ERBB4: variants seen among roughly 807,000 people sequenced by gnomAD.
ERBB4 encodes the protein receptor tyrosine-protein kinase erbB-4.
Under a neutral mutation model 158.0 loss-of-function variants are expected in ERBB4, and 42 were observed. The observed-to-expected ratio is 0.27, with a 90% confidence interval of 0.21 to 0.34. ERBB4 has a LOEUF of 0.34. ERBB4 is among the 10% of genes least tolerant of loss of function. ERBB4 has a pLI of 1.00. For missense variants in ERBB4, 1,333 were observed against 1,624.1 expected (o/e 0.82, Z 3.08); for synonymous variants, 583 against 558.7 (o/e 1.04, Z -0.61).
rs376596544 is a variant in ERBB4 at position 212,240,223 on chromosome 2, T to C, written c.83-115320A>G. ...TATCCCAAAATATGGTACCTTGGCT[T>C]TTTAGAAAACCGCAGAAGCAAAAAC... On this transcript the variant is annotated intron_variant, in intron 1 of 27. Transcript: ENST00000342788. 5.9e-5 allele frequency among the ~76,000 whole-genome samples: 9 copies of C among 152,270 alleles called. No homozygotes were observed. The East Asian group carries it at 1.4e-3, about 23-fold the overall frequency.
intron 1 of ERBB4, among the ~76,000 whole-genome samples, chr2:212,535,987 C>T (rs1693035393): frequency 6.6e-6 from 1 of 152,152 alleles, no homozygotes; most frequent in African/African-American, 2.4e-5. Flanking sequence ...TCTAATAATG[C>T]GAGAAGCAGA....
intron 1 of ERBB4, among the ~76,000 whole-genome samples, chr2:212,535,295 T>C (rs1692987196): frequency 1.3e-5 from 2 of 152,132 alleles, no homozygotes; most frequent in Non-Finnish European, 2.9e-5. Context: ...CCGATAGATG[T>C]GCTTACAGTA....
At chr2:211,487,025 T>C (rs1022987443) in intron 20 of ERBB4, among the ~76,000 whole-genome samples, 2 of 151,966 alleles carry the variant, frequency 1.3e-5, no homozygotes, top group East Asian at 1.9e-4. Context: ...ACTTTAAGTT[T>C]TAGGGTACAT....
At chr2:211,905,714 A>C (rs1165613381) in intron 3 of ERBB4, among the ~76,000 whole-genome samples, 1 of 121,500 alleles carries the variant, frequency 8.2e-6, no homozygotes, top group African/African-American at 3.1e-5. Context: ...GTGTGTGTAT[A>C]TATGTGTGTG....
intron 1 of ERBB4, among the ~76,000 whole-genome samples, chr2:212,283,520 A>G (rs1559920690): frequency 1.3e-5 from 2 of 151,992 alleles, no homozygotes; most frequent in Non-Finnish European, 2.9e-5. Context: ...GGTTTCATGC[A>G]AAATAAGATA....
chr2:211,730,765 G>T (rs986972808), intron 5 of ERBB4, among the ~76,000 whole-genome samples: 1 of 151,942 alleles, frequency 6.6e-6, no homozygotes, highest in African/African-American at 2.4e-5. Context: ...GAATCACCTA[G>T]TTTCTATTAA....
intron 2 of ERBB4, among the ~76,000 whole-genome samples, chr2:212,006,728 T>C (rs2076267925): frequency 6.6e-6 from 1 of 152,028 alleles, no homozygotes; most frequent in Non-Finnish European, 1.5e-5. Context: ...TTCTATAGAT[T>C]GTCTGGCAAA....
intron 20 of ERBB4, among the ~76,000 whole-genome samples, chr2:211,493,168 T>C (rs2065387183): frequency 6.6e-6 from 1 of 152,126 alleles, no homozygotes; most frequent in Admixed American, 6.5e-5. Context: ...ACCATTTTTT[T>C]CCTTCAAATT....
At position 211,821,025 on chromosome 2, in the gene ERBB4, A is replaced by C. The variant is rs140430511; in HGVS notation, c.422-32866T>G. On this transcript the variant is annotated intron_variant, in intron 3 of 27. Transcript: ENST00000342788. ...CCCAATATCACCACTCATATTCAAC[A>C]CAGTAATAGAAGTCTTAGCCAGAGT... 3.5e-3 allele frequency among the ~76,000 whole-genome samples: 526 copies of C among 152,012 alleles called. 1 individual carries two copies. Among genetic ancestry groups the C allele is most frequent in the African/African-American group, 0.012 (499 of 41,538 alleles).
rs578228504 is a variant in ERBB4, at chr2:212,190,710, A to G, written c.83-65807T>C. ...CAAACACATAGACCTGAGAGAAGAA[A>G]CCCTGTTAATCTATTTCACATCCTA... On this transcript the variant is annotated intron_variant, in intron 1 of 27. Coordinates refer to ENST00000342788, the MANE Select transcript of ERBB4 (RefSeq NM_005235.3). 3.9e-5 allele frequency among the ~76,000 whole-genome samples: 6 copies of G among 152,136 alleles called. No individual in the cohort carries two copies. In the East Asian group the frequency reaches 1.2e-3, roughly 29 times the overall value.
intron 1 of ERBB4, among the ~76,000 whole-genome samples, chr2:212,473,011 G>GA: frequency 6.7e-6 from 1 of 149,130 alleles, no homozygotes; most frequent in East Asian, 1.9e-4. Context: ...AATTTAGTAT[G>GA]AAAAAACACA....
chr2:211,768,558 TC>T (rs2075614150), intron 4 of ERBB4, among the ~76,000 whole-genome samples: 1 of 152,218 alleles, frequency 6.6e-6, no homozygotes, highest in South Asian at 2.1e-4. Flanking sequence ...AGGCAGAGGT[TC>T]TCAAACCTCA....
At chr2:211,644,769 T>C (rs2070724406) in intron 16 of ERBB4, among the ~76,000 whole-genome samples, 1 of 152,038 alleles carries the variant, frequency 6.6e-6, no homozygotes, top group African/African-American at 2.4e-5. Context: ...AAGAAAATAA[T>C]CTAAAAGTAA....
At chr2:211,909,679 C>T (rs2079492049) in intron 3 of ERBB4, among the ~76,000 whole-genome samples, 1 of 151,666 alleles carries the variant, frequency 6.6e-6, no homozygotes, top group African/African-American at 2.4e-5. Flanking sequence ...AATCTTGAGA[C>T]CACCATGGTA....
At chr2:212,339,980 C>A (rs940727081) in intron 1 of ERBB4, among the ~76,000 whole-genome samples, 1 of 151,904 alleles carries the variant, frequency 6.6e-6, no homozygotes, top group Admixed American at 6.6e-5. Context: ...CTAGAAATGA[C>A]AGAGCAGAGC....
chr2:212,251,320 T>C (rs1318159670), intron 1 of ERBB4, among the ~76,000 whole-genome samples: 1 of 152,028 alleles, frequency 6.6e-6, no homozygotes, highest in East Asian at 1.9e-4. Flanking sequence ...ATTCATTTAT[T>C]TGATAAACAT....
rs74266960 is a variant in ERBB4, at chr2:211,802,596, G to A, written c.422-14437C>T. ...GAATGATGATTTATTAATAAATACC[G>A]GAAATACATTTTTGAAATAAAAATA... On this transcript the variant is annotated intron_variant, in intron 3 of 27. Coordinates refer to ENST00000342788, the MANE Select transcript of ERBB4 (RefSeq NM_005235.3). Among the ~76,000 whole-genome samples the A allele has an allele frequency of 9.0e-4, 137 of 152,224 alleles. 2 individuals carry two copies. In the East Asian group the frequency reaches 0.025, roughly 28 times the overall value.
At chr2:211,772,838 CATATATATAT>C (rs1278564933) in intron 4 of ERBB4, among the ~76,000 whole-genome samples, 64 of 18,298 alleles carry the variant, frequency 3.5e-3, no homozygotes, top group African/African-American at 0.014. Flanking sequence ...TATATATACA[CATATATATAT>C]ATATATATAT....
At chr2:212,198,634 G>A (rs750610860) in intron 1 of ERBB4, among the ~76,000 whole-genome samples, 1 of 152,044 alleles carries the variant, frequency 6.6e-6, no homozygotes, top group Non-Finnish European at 1.5e-5. Flanking sequence ...GAATGCAGTG[G>A]TGGGATCTCA....
Sources: gnomAD v4.1 joint callset for allele counts (sites outside exome capture counted in the v4.1 genomes callset) on GRCh38, gnomAD v4.1.1 for gene constraint, MANE v1.5 for transcripts, NCBI Gene and HGNC (gene_info 2026-07-23, HGNC 2026-07-21) for gene names.